The following PKLR variants were observed in gnomAD, a reference collection of about 807,000 sequenced individuals.
PKLR encodes the protein pyruvate kinase L/R.
PKLR carries 38 observed loss-of-function variants against 53.6 expected under a neutral mutation model. The observed-to-expected ratio is 0.71, with a 90% CI of 0.55 to 0.93. PKLR has a LOEUF of 0.93. PKLR is among the 40% of genes least tolerant of loss of function. PKLR has a pLI of 0.00. For synonymous variants in PKLR, 328 were observed against 316.2 expected (o/e 1.04, Z -0.39); for missense variants, 702 against 787.3 (o/e 0.89, Z 1.30).
Position 155,293,639 on chromosome 1 carries a change from G to T in PKLR, c.1117-49C>A. The stretch of plus-strand genomic sequence containing the variant: ...AGTTGTAGGACTCACACTGTGACTG[G>T]GGACCCTGCCCAAGCTACTTCTCTG... On this transcript the variant is annotated intron_variant, in intron 7 of 10. Transcript: ENST00000342741. This position sits in a 1 kb window ranked among gnomAD's most constrained non-coding sequence, Gnocchi z 4.2. 1 of 1,601,636 alleles carries T rather than the reference G, an allele frequency of 6.2e-7. No homozygotes were observed.
chr1:155,297,751 C>T (rs902812526), intron 2 of PKLR, among the ~76,000 whole-genome samples: 11 of 152,092 alleles, frequency 7.2e-5, no homozygotes, highest in Non-Finnish European at 1.3e-4. Context: ...TCTTCCTGTC[C>T]GTACACAGTC....
Position 155,295,671 on chromosome 1 carries a change from G to A in PKLR, c.369C>T (p.Ser123=). The change falls in exon 3 of 11, where the codon TCC becomes TCT. Residue 123 remains serine, a synonymous_variant. Coordinates refer to ENST00000342741, the MANE Select transcript of PKLR (RefSeq NM_000298.6). This position sits in a 1 kb window ranked among gnomAD's most constrained non-coding sequence, Gnocchi z 4.3. ...CCGGCGGCCCGTCCCGCACCTCGTG[G>A]GAGCCGTGGGAGAAGTTGAGTCGCG... ...NIARLNFSHG[S]HEYHAESIAN... is the part of the protein sequence containing the mutation. 6.2e-7 allele frequency: 1 copy of A among 1,614,138 alleles called. No homozygotes were observed. The highest frequency in any genetic ancestry group is 8.5e-7 in the Non-Finnish European group (1 of 1,180,000).
rs1674483713 is a variant in PKLR, at chr1:155,290,543, T to G, written c.*29A>C. The G allele has an allele frequency of 7.5e-7, 1 of 1,340,212 alleles. No homozygotes were observed. The allele number at this position is 1,340,212 out of a possible 1,614,324, so 83.0% of individuals were successfully genotyped here. ...GGGAGGAAGGGATGGGGTACAAGGG[T>G]AGGCTGGGCCAGAGGAGGGAGGGGC... On this transcript the variant is annotated 3_prime_UTR_variant, in exon 11 of 11. Transcript: ENST00000342741.
intron 10 of PKLR, among the ~76,000 whole-genome samples, chr1:155,291,037 T>G (rs61812065): frequency 1.0e-5 from 1 of 99,336 alleles, no homozygotes; most frequent in Non-Finnish European, 2.2e-5. Flanking sequence ...ATAATAATAA[T>G]AATAAAAGAA....
Position 155,295,550 on chromosome 1 carries a change from C to T in PKLR, c.394G>A (p.Ala132Thr), listed in dbSNP as rs1647536192. ...GSHEYHAESI[A>T]NVREAVESFA... ...CTCTCCACCGCCTCCCGGACGTTGGCGATGGACTCAGCATGGTACTGGGGG... is the reference window on the plus strand; with the variant it reads ...CTCTCCACCGCCTCCCGGACGTTGGTGATGGACTCAGCATGGTACTGGGGG... The change falls in exon 4 of 11, where the codon GCC becomes ACC. Residue 132 changes from alanine to threonine, a missense_variant. Ala to Thr is a moderately conservative substitution (Grantham distance 58). Coordinates refer to ENST00000342741, the MANE Select transcript of PKLR (RefSeq NM_000298.6). The surrounding 1 kb of genome is among the most constrained non-coding windows in gnomAD (Gnocchi z 4.3). 1.2e-6 allele frequency: 2 copies of T among 1,613,828 alleles called. No individual in the cohort carries two copies. The highest frequency in any genetic ancestry group is 1.7e-5 in the Admixed American group (1 of 59,972).
At position 155,293,527 on chromosome 1, in the gene PKLR, C is replaced by T. The variant is rs1647353051; in HGVS notation, c.1180G>A (p.Ala394Thr). ...TRAETSDVAN[A>T]VLDGADCIML... is the part of the protein sequence containing the mutation. Reference sequence around the variant, plus strand: ...ATGCAGTCAGCCCCATCCAGCACAGCATTGGCGACATCGCTTGTCTCTGCC... The same window carrying T: ...ATGCAGTCAGCCCCATCCAGCACAGTATTGGCGACATCGCTTGTCTCTGCC... Residue 394 changes from alanine to threonine, a missense_variant, in exon 8 of 11, where the codon GCT becomes ACT. By Grantham distance (58) the Ala-to-Thr change is moderately conservative. Coordinates refer to ENST00000342741, the MANE Select transcript of PKLR (RefSeq NM_000298.6). The surrounding 1 kb of genome is among the most constrained non-coding windows in gnomAD (Gnocchi z 4.2). The T allele has an allele frequency of 6.2e-7, 1 of 1,614,246 alleles. No individual in the cohort carries two copies. Among genetic ancestry groups the T allele is most frequent in the Non-Finnish European group, 8.5e-7 (1 of 1,180,036 alleles).
In PKLR at chr1:155,290,320, T is replaced by C. The variant is rs1431627025; in HGVS notation, c.*252A>G. On this transcript the variant is annotated 3_prime_UTR_variant, in exon 11 of 11. Coordinates refer to ENST00000342741, the MANE Select transcript of PKLR (RefSeq NM_000298.6). ...TTGGATGCAGGGAATGTACAATTGG[T>C]GCTGTTGGGTGGCCAGTGCATAATT... 3.6e-6 allele frequency: 2 copies of C among 549,980 alleles called. No homozygotes were observed. The highest frequency in any genetic ancestry group is 6.6e-6 in the Non-Finnish European group (2 of 305,124). 34.1% of individuals were successfully genotyped at this position (549,980 alleles called of 1,614,324 possible). A position where few individuals can be genotyped will look rare whatever the true frequency, so the allele number is the denominator to read the frequency against.
In PKLR at chr1:155,300,967, TG is replaced by T. The variant is rs1557965407; in HGVS notation, c.100+328del. On this transcript the variant is annotated intron_variant, in intron 1 of 10. Transcript: ENST00000342741. ...GGTTGTCAGAGGCATGAGGCCCAGC[TG>T]GGCTGGGGATCAGTTCTGCAGACTG... 4.5e-6 allele frequency: 7 copies of T among 1,571,328 alleles called. No individual in the cohort carries two copies. In the Admixed American group the frequency reaches 1.1e-4, roughly 25 times the overall value.
In PKLR at chr1:155,300,288, AG is replaced by A. The variant is rs1370462965; in HGVS notation, c.101-9del. Reference sequence around the variant, plus strand: ...GCAGATACCCCGCTGGCCCTGTGGTAGAAGGGGGCTCAGGGACTGCATGTCA... The same window carrying A: ...GCAGATACCCCGCTGGCCCTGTGGTAAAGGGGGCTCAGGGACTGCATGTCA... On this transcript the variant is annotated splice_polypyrimidine_tract_variant and intron_variant, in intron 1 of 10. Coordinates refer to ENST00000342741, the MANE Select transcript of PKLR (RefSeq NM_000298.6). The A allele has an allele frequency of 1.9e-6, 3 of 1,575,050 alleles. No homozygotes were observed. The highest frequency in any genetic ancestry group is 3.7e-5 in the Admixed American group (2 of 53,358).
At chr1:155,299,616 C>A (rs1305841891) in intron 2 of PKLR, among the ~76,000 whole-genome samples, 1 of 147,798 alleles carries the variant, frequency 6.8e-6, no homozygotes, top group Non-Finnish European at 1.5e-5. Flanking sequence ...AAGCGATTCT[C>A]CTGCCTCAGC....
At chr1:155,300,890 C>T in intron 1 of PKLR, 1 of 1,611,464 alleles carries the variant, frequency 6.2e-7, no homozygotes, top group Non-Finnish European at 8.5e-7. Context: ...CCTTCCATGC[C>T]ACTGCACACC....
upstream of PKLR, among the ~76,000 whole-genome samples, chr1:155,304,372 T>G (rs1337325671): frequency 7.0e-6 from 1 of 142,044 alleles, no homozygotes; most frequent in African/African-American, 2.7e-5. Context: ...AGGCAGAGGT[T>G]GCAGTGAGCC....
chr1:155,304,655 A>C (rs1648183539), upstream of PKLR, among the ~76,000 whole-genome samples: 1 of 152,138 alleles, frequency 6.6e-6, no homozygotes, highest in South Asian at 2.1e-4. Flanking sequence ...GTCTGGCTTG[A>C]GCAGTTGGGT....
chr1:155,301,387 G>C lies in PKLR; in HGVS notation c.9C>G (p.Ile3Met). The C allele has an allele frequency of 6.2e-7, 1 of 1,614,014 alleles. No homozygotes were observed. Among genetic ancestry groups the C allele is most frequent in the Non-Finnish European group, 8.5e-7 (1 of 1,179,954 alleles). The change falls in exon 1 of 11, where the codon ATC becomes ATG. Residue 3 changes from isoleucine to methionine, a missense_variant. Physicochemically the swap from Ile to Met is conservative, Grantham distance 10. This residue lies in a region of PKLR where 519 missense variants were observed against 537.1 expected (regional missense o/e 0.97). Transcript: ENST00000342741. Reference protein sequence around the residue: MSIQENISSLQLR... With the variant: MSMQENISSLQLR... Reference sequence around the variant, plus strand: ...GCTGCAGGGATGATATGTTCTCCTGGATCGACATGCTTTCAGTGTGGGCCT... The same window carrying C: ...GCTGCAGGGATGATATGTTCTCCTGCATCGACATGCTTTCAGTGTGGGCCT...
intron 2 of PKLR, among the ~76,000 whole-genome samples, chr1:155,297,097 A>C (rs2148211197): frequency 6.6e-6 from 1 of 152,096 alleles, no homozygotes; most frequent in Non-Finnish European, 1.5e-5. Context: ...CCTTAACGTT[A>C]GATACCCTGT....
rs199959447 is a variant in PKLR, at chr1:155,294,657, G to A, written c.790C>T (p.Leu264=). The A allele has an allele frequency of 4.2e-5, 67 of 1,614,144 alleles. No individual in the cohort carries two copies. The highest frequency in any genetic ancestry group is 3.3e-4 in the Middle Eastern group (2 of 6,062). Reference sequence around the variant, plus strand: ...AGGTCTCGGACGTCCTGCTCGGACAGCCCGGGCAAGTCCACCTGGGCCCCT... The same window carrying A: ...AGGTCTCGGACGTCCTGCTCGGACAACCCGGGCAAGTCCACCTGGGCCCCT... ...LPGAQVDLPG[L]SEQDVRDLRF... is the part of the protein sequence containing the mutation. The change falls in exon 6 of 11, where the codon CTG becomes TTG. Residue 264 remains leucine, a synonymous_variant. Transcript: ENST00000342741.
chr1:155,300,063 G>C (rs774298420), intron 2 of PKLR, 35 bp downstream of exon 2: 1 of 1,573,594 alleles, frequency 6.4e-7, no homozygotes, highest in Non-Finnish European at 8.7e-7. Flanking sequence ...ATACCAATAG[G>C]CCCTGTGTGG....
chr1:155,302,237 CT>C (rs35615990), upstream of PKLR, among the ~76,000 whole-genome samples: 34,593 of 118,536 alleles, frequency 0.29, 4,462 homozygotes, highest in East Asian at 0.61. Flanking sequence ...CTTTTCTTTT[CT>C]TTTTTTTTTT....
Position 155,294,745 on chromosome 1 carries a change from C to G in PKLR, c.702G>C (p.Glu234Asp). ...ISLVVQKIGPEGLVTQVENGG... is the reference protein window; with the variant it reads ...ISLVVQKIGPDGLVTQVENGG... ...CGTTCTCCACTTGGGTCACCAGTCC[C>G]TCTGGGCCTGCGGACATGGAAAGAG... Residue 234 changes from glutamate (E) to aspartate (D), a missense_variant, in exon 6 of 11, where the codon GAG (glutamate) becomes GAC (aspartate). Coordinates refer to ENST00000342741, the MANE Select transcript of PKLR (RefSeq NM_000298.6). 6.2e-7 allele frequency: 1 copy of G among 1,613,974 alleles called. No individual in the cohort carries two copies. Among genetic ancestry groups the G allele is most frequent in the Non-Finnish European group, 8.5e-7 (1 of 1,180,032 alleles).
Sources: allele counts gnomAD v4.1 joint callset (sites outside exome capture counted in the v4.1 genomes callset), GRCh38; gene constraint gnomAD v4.1.1; regional missense constraint gnomAD v4.1.1; non-coding constraint Gnocchi (gnomAD v3.1); transcripts MANE v1.5; gene names NCBI Gene and HGNC (gene_info 2026-07-23, HGNC 2026-07-21).